The following CCDC150 variants were observed in gnomAD, a reference collection of about 807,000 sequenced individuals.
CCDC150 encodes the protein coiled-coil domain-containing protein 150.
CCDC150 carries 151 observed loss-of-function variants against 156.5 expected under a neutral mutation model. That is an observed-to-expected ratio of 0.97 (90% confidence interval 0.85 to 1.10). The LOEUF (loss-of-function observed/expected upper bound fraction) is 1.10. Among genes scored for constraint, CCDC150 ranks in the 50% least tolerant of loss-of-function variants. CCDC150 has a pLI of 0.00. For missense variants in CCDC150, 1,312 were observed against 1,268.1 expected, an observed-to-expected ratio of 1.03 and a Z score of -0.53; for synonymous variants, 452 against 429.4, an observed-to-expected ratio of 1.05 and a Z score of -0.65.
chr2:196,668,888 TG>T (rs1694023025), intron 7 of CCDC150, among the ~76,000 whole-genome samples: 1 of 152,216 alleles, frequency 6.6e-6, no homozygotes, highest in African/African-American at 2.4e-5. Context: ...TGTGGATTCA[TG>T]TGTTCAAAAA....
intron 22 of CCDC150, chr2:196,727,978 C>T (rs760936956): frequency 2.2e-5 from 3 of 133,806 alleles, no homozygotes; most frequent in Non-Finnish European, 3.1e-5. Context: ...CACCACTGCA[C>T]TCTAGCCTGG....
chr2:196,689,562 A>G (rs1345227214), intron 13 of CCDC150, among the ~76,000 whole-genome samples: 1 of 152,044 alleles, frequency 6.6e-6, no homozygotes, highest in East Asian at 1.9e-4. Context: ...TTATTGGTGT[A>G]TAAGAATGCT....
At chr2:196,672,637 T>C (rs372704350) in intron 9 of CCDC150, among the ~76,000 whole-genome samples, 200 bp downstream of exon 9, 1 of 152,198 alleles carries the variant, frequency 6.6e-6, no homozygotes, top group South Asian at 2.1e-4. Flanking sequence ...ATTCCTATGA[T>C]ATATAAGTAT....
At chr2:196,714,106 T>G (rs1697325369) in intron 17 of CCDC150, among the ~76,000 whole-genome samples, 1 of 152,192 alleles carries the variant, frequency 6.6e-6, no homozygotes, top group Non-Finnish European at 1.5e-5. Flanking sequence ...ATACTATAGC[T>G]TATCTTCTAG....
chr2:196,692,182 C>T (rs1199954919), intron 13 of CCDC150, among the ~76,000 whole-genome samples: 12 of 134,524 alleles, frequency 8.9e-5, no homozygotes, highest in African/African-American at 1.1e-4. Flanking sequence ...GGCCGGACTG[C>T]GGACTGCAGT....
At chr2:196,695,984 G>C (rs1695802552) in intron 14 of CCDC150, among the ~76,000 whole-genome samples, 1 of 152,144 alleles carries the variant, frequency 6.6e-6, no homozygotes, top group Non-Finnish European at 1.5e-5. Flanking sequence ...ATGTGACTCT[G>C]TTTTAACCTG....
chr2:196,684,813 GT>G (rs1470289045), intron 13 of CCDC150, among the ~76,000 whole-genome samples: 1 of 151,946 alleles, frequency 6.6e-6, no homozygotes, highest in Non-Finnish European at 1.5e-5. Flanking sequence ...TATCTCACCA[GT>G]TTTTTCTTAA....
chr2:196,695,867 T>C (rs1695795423), intron 14 of CCDC150, among the ~76,000 whole-genome samples: 1 of 152,160 alleles, frequency 6.6e-6, no homozygotes, highest in African/African-American at 2.4e-5. Context: ...ATGGTCATTC[T>C]GTTAAGTAGC....
intron 17 of CCDC150, among the ~76,000 whole-genome samples, chr2:196,714,290 ACTC>A: frequency 6.6e-6 from 1 of 152,090 alleles, no homozygotes. Flanking sequence ...GGTTTTAAGT[ACTC>A]CTTTTGAGGT....
intron 13 of CCDC150, among the ~76,000 whole-genome samples, chr2:196,683,507 T>C (rs1178661566): frequency 2.0e-5 from 3 of 152,242 alleles, no homozygotes; most frequent in Non-Finnish European, 4.4e-5. Flanking sequence ...GGTATCAAGA[T>C]AATATTGGTC....
chr2:196,693,674 A>G (rs1695626646), intron 13 of CCDC150, among the ~76,000 whole-genome samples: 1 of 152,106 alleles, frequency 6.6e-6, no homozygotes, highest in Non-Finnish European at 1.5e-5. Context: ...GGCCTCCTGT[A>G]TGATGTGGAA....
chr2:196,666,660 A>G, intron 6 of CCDC150, 59 bp from the exon 7 acceptor site: 3 of 1,447,792 alleles, frequency 2.1e-6, no homozygotes, highest in Non-Finnish European at 2.8e-6. Context: ...ATGTGCTATA[A>G]GGCAGCTTAT....
At chr2:196,679,860 CTAA>C (rs1450918220) in intron 13 of CCDC150, among the ~76,000 whole-genome samples, 4 of 152,162 alleles carry the variant, frequency 2.6e-5, no homozygotes, top group Admixed American at 6.5e-5. Flanking sequence ...TCTCCAATGA[CTAA>C]TAATATTGAG....
At chr2:196,690,650 A>G (rs1014475136) in intron 13 of CCDC150, among the ~76,000 whole-genome samples, 1 of 151,938 alleles carries the variant, frequency 6.6e-6, no homozygotes, top group Admixed American at 6.6e-5. Flanking sequence ...TCATCTGCAA[A>G]CAGGGATAGT....
At position 196,729,489 on chromosome 2, in the gene CCDC150, G is replaced by A. The variant is rs1035292559; in HGVS notation, c.2751+102G>A. ...GGTTTTAGAACCCTAGCAGCCCCAT[G>A]TATTCTCTGGGAATTATAGCCAGTT... On this transcript the variant is annotated intron_variant, in intron 23 of 27. Transcript: ENST00000389175. 7.5e-6 allele frequency: 8 copies of A among 1,064,624 alleles called. No individual in the cohort carries two copies. The South Asian group carries it at 1.2e-4, about 15-fold the overall frequency. The allele number at this position is 1,064,624 out of a possible 1,614,324, so 65.9% of individuals were successfully genotyped here.
In CCDC150 at chr2:196,715,510, G is replaced by GTTT. The variant is rs1285190452; in HGVS notation, c.1866+2774_1866+2776dup. 2.6e-5 allele frequency among the ~76,000 whole-genome samples: 4 copies of GTTT among 152,104 alleles called. No individual in the cohort carries two copies. In the East Asian group the frequency reaches 7.7e-4, roughly 29 times the overall value. ...AGGAAGGAGACTGGGCAGCTGGGAT[G>GTTT]TTTTTCACTTAATCTTTTTGTACTT... is the stretch of plus-strand genomic sequence containing the variant. On this transcript the variant is annotated intron_variant, in intron 17 of 27. Coordinates refer to ENST00000389175, the MANE Select transcript of CCDC150 (RefSeq NM_001080539.2).
intron 21 of CCDC150, among the ~76,000 whole-genome samples, chr2:196,724,480 A>C (rs962494201): frequency 1.4e-4 from 21 of 152,212 alleles, no homozygotes; most frequent in Admixed American, 1.4e-3. Flanking sequence ...TGCTCATGAT[A>C]TGTTGGGTAA....
At chr2:196,654,887 G>A (rs900178497) in intron 2 of CCDC150, among the ~76,000 whole-genome samples, 1 of 152,020 alleles carries the variant, frequency 6.6e-6, no homozygotes, top group Non-Finnish European at 1.5e-5. Context: ...TTACCAATTC[G>A]TACAGCCAGA....
intron 7 of CCDC150, among the ~76,000 whole-genome samples, chr2:196,668,309 A>T (rs983298993): frequency 1.3e-5 from 2 of 151,140 alleles, no homozygotes; most frequent in African/African-American, 4.8e-5. Context: ...AAAAAAAAAA[A>T]AAAAAAAAAA....
Sources: allele counts gnomAD v4.1 joint callset (sites outside exome capture counted in the v4.1 genomes callset), GRCh38; gene constraint gnomAD v4.1.1; transcripts MANE v1.5; gene names NCBI Gene and HGNC (gene_info 2026-07-23, HGNC 2026-07-21).